NRAS: variants seen among roughly 807,000 people sequenced by gnomAD.
NRAS encodes the protein NRAS proto-oncogene, GTPase.
In NRAS, 6 loss-of-function variants were observed where a neutral mutation model predicts 21.3. The ratio of observed to expected loss-of-function variants is 0.28; its 90% confidence interval spans 0.15 to 0.56. The LOEUF is 0.56. Ranked by LOEUF, NRAS falls within the 20% of genes least tolerant of loss-of-function variation. The pLI is 0.93. For missense variants in NRAS, 143 were observed against 231.3 expected (o/e 0.62, Z 2.48); for synonymous variants, 84 against 82.0 (o/e 1.02, Z -0.13).
Position 114,709,575 on chromosome 1 carries a change from G to A in NRAS, c.444C>T (p.Thr148=), listed in dbSNP as rs1570871392. 1 of 1,613,910 alleles carries A rather than the reference G, an allele frequency of 6.2e-7. No individual in the cohort carries two copies. Among genetic ancestry groups the A allele is most frequent in the Non-Finnish European group, 8.5e-7 (1 of 1,179,776 alleles). Residue 148 remains threonine (T), a synonymous_variant, in exon 4 of 7, where the codon ACC becomes ACT. Coordinates refer to ENST00000369535, the MANE Select transcript of NRAS (RefSeq NM_002524.5). ...GIPFIETSAK[T]RQGVEDAFYT... ...GCTGAAAGCTGTACCATACCTGTCT[G>A]GTCTTGGCTGAGGTTTCAATGAATG...
chr1:114,713,259 G>C (rs1253265177), intron 3 of NRAS, among the ~76,000 whole-genome samples: 2 of 151,904 alleles, frequency 1.3e-5, no homozygotes, highest in Non-Finnish European at 2.9e-5. Context: ...AGCATGCCTC[G>C]ACCTCCTGAG....
At chr1:114,711,960 C>A (rs1203459123) in intron 3 of NRAS, among the ~76,000 whole-genome samples, 1 of 152,126 alleles carries the variant, frequency 6.6e-6, no homozygotes, top group African/African-American at 2.4e-5. Context: ...TGTAAATAAC[C>A]ACATACTGCA....
At position 114,714,048 on chromosome 1, in the gene NRAS, G is replaced by A. The variant is rs969273; in HGVS notation, c.112-70C>T. On this transcript the variant is annotated intron_variant, in intron 2 of 6. Transcript: ENST00000369535. The stretch of plus-strand genomic sequence containing the variant: ...ATTTTTATTAAAAACCACAGGGAAT[G>A]CAATGCTATTGCCAAGGTTAAATAA... The A allele has an allele frequency of 0.7, 629,886 of 903,148 alleles. 229,522 individuals carry two copies. Among genetic ancestry groups the A allele is most frequent in the East Asian group, 1 (38,874 of 38,904 alleles). The allele number at this position is 903,148 out of a possible 1,614,324, so 55.9% of individuals were successfully genotyped here.
In NRAS at chr1:114,716,141, A is replaced by G. The variant is rs1659159794; in HGVS notation, c.20T>C (p.Val7Ala). The G allele has an allele frequency of 6.2e-7, 1 of 1,613,334 alleles. No homozygotes were observed. Among genetic ancestry groups the G allele is most frequent in the Non-Finnish European group, 8.5e-7 (1 of 1,179,400 alleles). The change falls in exon 2 of 7, where the codon GTG becomes GCG. Residue 7 changes from valine to alanine, a missense_variant. Val to Ala is a moderately conservative substitution (Grantham distance 64). Coordinates refer to ENST00000369535, the MANE Select transcript of NRAS (RefSeq NM_002524.5). Reference protein sequence around the residue: MTEYKLVVVGAGGVGKS... With the variant: MTEYKLAVVGAGGVGKS... ...CCCAACACCACCTGCTCCAACCACCACCAGTTTGTACTCAGTCATTTCACA... is the reference window on the plus strand; with the variant it reads ...CCCAACACCACCTGCTCCAACCACCGCCAGTTTGTACTCAGTCATTTCACA...
rs1658934216 is a variant in NRAS at position 114,707,033 on chromosome 1, A to G, written c.*1061T>C. The G allele has an allele frequency of 6.6e-6, 1 of 152,628 alleles. No homozygotes were observed. The highest frequency in any genetic ancestry group is 2.4e-5 in the African/African-American group (1 of 41,442). 9.5% of individuals were successfully genotyped at this position (152,628 alleles called of 1,614,324 possible). A position where few individuals can be genotyped will look rare whatever the true frequency, so the allele number is the denominator to read the frequency against. On this transcript the variant is annotated 3_prime_UTR_variant, in exon 7 of 7. Coordinates refer to ENST00000369535, the MANE Select transcript of NRAS (RefSeq NM_002524.5). Reference sequence around the variant, plus strand: ...CAGCTATTAAATAACAATGCACCAAAGTTTTACAATATTTGAACATCTGCA... The same window carrying G: ...CAGCTATTAAATAACAATGCACCAAGGTTTTACAATATTTGAACATCTGCA...
Position 114,709,722 on chromosome 1 carries a change from C to A in NRAS, c.297G>T (p.Gln99His), listed in dbSNP as rs941246661. 18 of 1,612,918 alleles carry A rather than the reference C, an allele frequency of 1.1e-5. No individual in the cohort carries two copies. The highest frequency in any genetic ancestry group is 1.5e-5 in the Non-Finnish European group (18 of 1,178,890). ...SFADINLYRE[Q>H]IKRVKDSDDV... The stretch of plus-strand genomic sequence containing the variant: ...CATCCGAGTCTTTTACTCGCTTAAT[C>A]TGCTCCCTAAAAACGGGAATATATT... The change falls in exon 4 of 7, where the codon CAG becomes CAT. Residue 99 changes from glutamine (Q) to histidine (H), a missense_variant. Gln to His is a conservative substitution (Grantham distance 24). Coordinates refer to ENST00000369535, the MANE Select transcript of NRAS (RefSeq NM_002524.5).
Position 114,715,129 on chromosome 1 carries a change from C to T in NRAS, c.111+921G>A, listed in dbSNP as rs6672210. ...CTGCACCCTCTGCCTCTGGTTCAAGCGATTCTCCTGCCTCAGCCTCCTGAG... is the reference window on the plus strand; with the variant it reads ...CTGCACCCTCTGCCTCTGGTTCAAGTGATTCTCCTGCCTCAGCCTCCTGAG... On this transcript the variant is annotated intron_variant, in intron 2 of 6. Transcript: ENST00000369535. 8.5e-3 allele frequency among the ~76,000 whole-genome samples: 1,293 copies of T among 152,300 alleles called. 17 individuals are homozygous for T. Among genetic ancestry groups the T allele is most frequent in the African/African-American group, 0.029 (1,217 of 41,570 alleles).
intron 4 of NRAS, among the ~76,000 whole-genome samples, chr1:114,709,196 G>A (rs544323456): frequency 2.0e-5 from 3 of 152,256 alleles, no homozygotes; most frequent in Admixed American, 6.5e-5. Context: ...CAGCACTCTG[G>A]GAGGCCCAGG....
intron 3 of NRAS, among the ~76,000 whole-genome samples, chr1:114,710,247 T>C (rs1457424985): frequency 1.9e-5 from 2 of 105,008 alleles, no homozygotes; most frequent in Admixed American, 1.5e-4. Flanking sequence ...ATATATTATA[T>C]ATATTATATA....
intron 3 of NRAS, among the ~76,000 whole-genome samples, chr1:114,712,977 A>C (rs61758216): frequency 6.6e-6 from 1 of 152,186 alleles, no homozygotes; most frequent in African/African-American, 2.4e-5. Context: ...TCTGCTACTA[A>C]TAACAATCCT....
At position 114,713,980 on chromosome 1, in the gene NRAS, T is replaced by TG; in HGVS notation, c.112-3dup. 9.4e-7 allele frequency: 1 copy of TG among 1,058,428 alleles called. No homozygotes were observed. Among genetic ancestry groups the TG allele is most frequent in the Non-Finnish European group, 1.4e-6 (1 of 730,484 alleles). 65.6% of individuals were successfully genotyped at this position (1,058,428 alleles called of 1,614,324 possible). On this transcript the variant is annotated splice_region_variant and splice_polypyrimidine_tract_variant and intron_variant, in intron 2 of 6. Transcript: ENST00000369535. ...AACCACTTGTTTTCTGTAAGAATCC[T>TG]GGGGGTGTGGAGGGTAAGGGGGCAG...
At chr1:114,712,181 T>C (rs1659063727) in intron 3 of NRAS, among the ~76,000 whole-genome samples, 1 of 152,192 alleles carries the variant, frequency 6.6e-6, no homozygotes, top group South Asian at 2.1e-4. Flanking sequence ...AATTTCCTTC[T>C]AGTCCGAGCA....
At chr1:114,712,108 A>C (rs1460126388) in intron 3 of NRAS, among the ~76,000 whole-genome samples, 1 of 152,192 alleles carries the variant, frequency 6.6e-6, no homozygotes. Context: ...TACCTGGACC[A>C]TGTCACTGTC....
rs121913237 is a variant in NRAS, at chr1:114,716,126, C to G, written c.35G>C (p.Gly12Ala). 6.2e-7 allele frequency: 1 copy of G among 1,613,974 alleles called. No homozygotes were observed. The highest frequency in any genetic ancestry group is 8.5e-7 in the Non-Finnish European group (1 of 1,179,846). ...TGTCAGTGCGCTTTTCCCAACACCA[C>G]CTGCTCCAACCACCACCAGTTTGTA... ...TEYKLVVVGA[G>A]GVGKSALTIQ... The change falls in exon 2 of 7, where the codon GGT (glycine) becomes GCT (alanine). Residue 12 changes from glycine to alanine, a missense_variant. Transcript: ENST00000369535.
rs544147408 is a variant in NRAS at position 114,706,855 on chromosome 1, A to G, written c.*1239T>C. The G allele has an allele frequency of 1.3e-5, 2 of 152,366 alleles. No individual in the cohort carries two copies. The highest frequency in any genetic ancestry group is 4.8e-5 in the African/African-American group (2 of 41,558). The allele number at this position is 152,366 out of a possible 1,614,324, so 9.4% of individuals were successfully genotyped here. ...TTAGCACCATGCTTTACTCAACTGAAATAATCAAGCCCCTATTGCTGTGGG... is the reference window on the plus strand; with the variant it reads ...TTAGCACCATGCTTTACTCAACTGAGATAATCAAGCCCCTATTGCTGTGGG... On this transcript the variant is annotated 3_prime_UTR_variant, in exon 7 of 7. Transcript: ENST00000369535.
Position 114,713,995 on chromosome 1 carries a change from TAAGGGGGCAGGGAGGGA to T in NRAS, c.112-34_112-18del. The T allele has an allele frequency of 1.2e-6, 1 of 808,792 alleles. No individual in the cohort carries two copies. Among genetic ancestry groups the T allele is most frequent in the Non-Finnish European group, 1.9e-6 (1 of 514,024 alleles). 50.1% of individuals were successfully genotyped at this position (808,792 alleles called of 1,614,324 possible). A position where few individuals can be genotyped will look rare whatever the true frequency, so the allele number is the denominator to read the frequency against. Reference sequence around the variant, plus strand: ...GTAAGAATCCTGGGGGTGTGGAGGGTAAGGGGGCAGGGAGGGAGGGAAGTTCAATTTTTATTAAAAAC... The same window carrying T: ...GTAAGAATCCTGGGGGTGTGGAGGGTGGGAAGTTCAATTTTTATTAAAAAC... On this transcript the variant is annotated intron_variant, in intron 2 of 6. Coordinates refer to ENST00000369535, the MANE Select transcript of NRAS (RefSeq NM_002524.5).
At chr1:114,716,506 T>A (rs759496621) in intron 1 of NRAS, among the ~76,000 whole-genome samples, 152 bp downstream of exon 1, 1 of 152,006 alleles carries the variant, frequency 6.6e-6, no homozygotes, top group Non-Finnish European at 1.5e-5. Context: ...CCCTTCTGTC[T>A]CCAAAGATCT....
At chr1:114,710,106 G>A (rs1237796124) in intron 3 of NRAS, among the ~76,000 whole-genome samples, 3 of 151,162 alleles carry the variant, frequency 2.0e-5, no homozygotes, top group East Asian at 3.9e-4. Context: ...CAGGAGAATC[G>A]CTTGAACCTG....
At chr1:114,714,128 A>C in intron 2 of NRAS, 150 bp from the exon 3 acceptor site, 1 of 543,292 alleles carries the variant, frequency 1.8e-6, no homozygotes, top group Non-Finnish European at 3.2e-6. Flanking sequence ...TCAAATTGCT[A>C]ATATATAATC....
Sources: gnomAD v4.1 joint callset for allele counts (sites outside exome capture counted in the v4.1 genomes callset) on GRCh38, gnomAD v4.1.1 for gene constraint, MANE v1.5 for transcripts, NCBI Gene and HGNC (gene_info 2026-07-23, HGNC 2026-07-21) for gene names.